The following DHCR24 variants were observed in gnomAD, a reference collection of about 807,000 sequenced individuals.
The protein encoded by DHCR24 is delta(24)-sterol reductase.
Under a neutral mutation model 61.2 loss-of-function variants are expected in DHCR24, and 28 were observed. The ratio of observed to expected loss-of-function variants is 0.46; its 90% CI spans 0.34 to 0.63. DHCR24 has a LOEUF of 0.63. Among genes scored for constraint, DHCR24 ranks in the 20% least tolerant of loss-of-function variants. The pLI is 0.01. For missense variants in DHCR24, 538 were observed against 679.1 expected, an observed-to-expected ratio of 0.79 and a Z score of 2.31; for synonymous variants, 261 against 275.9, an observed-to-expected ratio of 0.95 and a Z score of 0.54.
At chr1:54,854,263 A>G (rs1570179248) in intron 6 of DHCR24, 29 bp from the exon 7 acceptor site, 1 of 1,265,816 alleles carries the variant, frequency 7.9e-7, no homozygotes, top group Non-Finnish European at 1.1e-6. Context: ...GGTTGGAGAG[A>G]AAAAAACCAA....
In DHCR24 at chr1:54,854,168, T is replaced by A; in HGVS notation, c.1087A>T (p.Ile363Phe). 6.2e-7 allele frequency: 1 copy of A among 1,613,946 alleles called. No individual in the cohort carries two copies. Among genetic ancestry groups the A allele is most frequent in the Non-Finnish European group, 8.5e-7 (1 of 1,179,944 alleles). ...CCCTGGGTCAGCTTCAGGAGGGAGA[T>A]CTTGGGAGGCACCATCCAGCCAAAG... ...YLFGWMVPPKISLLKLTQGET... is the reference protein window; with the variant it reads ...YLFGWMVPPKFSLLKLTQGET... The change falls in exon 7 of 9, where the codon ATC becomes TTC. Residue 363 changes from isoleucine to phenylalanine, a missense_variant. Physicochemically the swap from Ile to Phe is conservative, Grantham distance 21. Transcript: ENST00000371269.
At chr1:54,856,705 T>G (rs1646909379) in intron 6 of DHCR24, among the ~76,000 whole-genome samples, 1 of 152,254 alleles carries the variant, frequency 6.6e-6, no homozygotes, top group African/African-American at 2.4e-5. Flanking sequence ...ATTTCCAGAT[T>G]ATTCCAACTA....
At chr1:54,866,154 A>T (rs1001005840) in intron 5 of DHCR24, among the ~76,000 whole-genome samples, 3 of 152,036 alleles carry the variant, frequency 2.0e-5, no homozygotes, top group African/African-American at 7.2e-5. Flanking sequence ...ATTCTGGCAG[A>T]TGCTCTCGGG....
intron 2 of DHCR24, among the ~76,000 whole-genome samples, chr1:54,882,288 T>A (rs1647067685): frequency 6.6e-6 from 1 of 152,104 alleles, no homozygotes; most frequent in South Asian, 2.1e-4. Context: ...TGAATTAAAA[T>A]TACAATGAAA....
intron 7 of DHCR24, 21 bp from the exon 8 acceptor site, chr1:54,853,633 G>A (rs373227170): frequency 6.2e-6 from 10 of 1,607,818 alleles, no homozygotes; most frequent in African/African-American, 1.3e-5. Flanking sequence ...CAGGGAGGTG[G>A]GTATTGGTGC....
chr1:54,884,909 G>C (rs1647084487), intron 1 of DHCR24, among the ~76,000 whole-genome samples: 1 of 152,172 alleles, frequency 6.6e-6, no homozygotes, highest in South Asian at 2.1e-4. Context: ...ACCTAGAAAA[G>C]CAGGGCCAAC....
At chr1:54,872,045 T>C (rs931228642) in intron 4 of DHCR24, among the ~76,000 whole-genome samples, 10 of 152,020 alleles carry the variant, frequency 6.6e-5, no homozygotes, top group South Asian at 2.1e-4. Context: ...TCTGAACCAT[T>C]ACTAAAATTT....
chr1:54,862,958 C>T (rs868097696), intron 6 of DHCR24, among the ~76,000 whole-genome samples: 14 of 151,680 alleles, frequency 9.2e-5, no homozygotes, highest in African/African-American at 3.4e-4. Context: ...CGCCTATAGT[C>T]CCAGCTACTT....
chr1:54,856,746 TTA>T (rs897879365), intron 6 of DHCR24, among the ~76,000 whole-genome samples: 10 of 152,252 alleles, frequency 6.6e-5, no homozygotes, highest in Non-Finnish European at 1.3e-4. Context: ...CTTTGCCCAT[TTA>T]TATATGTGTC....
chr1:54,851,813 A>G lies in DHCR24; in HGVS notation c.*420T>C. ...AGGTGACCTAATGTGGAGCCTTTTC[A>G]GGCTCCACTGCAGATGTGACGCTGA... On this transcript the variant is annotated 3_prime_UTR_variant, in exon 9 of 9. Coordinates refer to ENST00000371269, the MANE Select transcript of DHCR24 (RefSeq NM_014762.4). 4.6e-6 allele frequency: 1 copy of G among 216,240 alleles called. No individual in the cohort carries two copies. The highest frequency in any genetic ancestry group is 9.4e-6 in the Non-Finnish European group (1 of 106,950). 13.4% of individuals were successfully genotyped at this position (216,240 alleles called of 1,614,324 possible). A position where few individuals can be genotyped will look rare whatever the true frequency, so the allele number is the denominator to read the frequency against.
In DHCR24 at chr1:54,861,773, G is replaced by A. The variant is rs143383215; in HGVS notation, c.1020+3530C>T. Among the ~76,000 whole-genome samples the A allele has an allele frequency of 5.2e-3, 794 of 152,210 alleles. 5 individuals carry two copies. The highest frequency in any genetic ancestry group is 0.017 in the Middle Eastern group (5 of 294). ...GTAAATTCATGAGTGTGAATCCCTG[G>A]TAGGCCCAGTGCTGCCTGGCAATGC... On this transcript the variant is annotated intron_variant, in intron 6 of 8. Coordinates refer to ENST00000371269, the MANE Select transcript of DHCR24 (RefSeq NM_014762.4).
At chr1:54,854,005 C>T in intron 7 of DHCR24, 32 bp downstream of exon 7, 1 of 1,589,768 alleles carries the variant, frequency 6.3e-7, no homozygotes, top group Non-Finnish European at 8.6e-7. Flanking sequence ...GGGAATGCAC[C>T]TGGTGCGCCC....
chr1:54,871,486 C>T lies in DHCR24; in HGVS notation c.740G>A (p.Gly247Asp). Residue 247 changes from glycine (G) to aspartate (D), a missense_variant, in exon 5 of 9, where the codon GGC (glycine) becomes GAC (aspartate). Coordinates refer to ENST00000371269, the MANE Select transcript of DHCR24 (RefSeq NM_014762.4). ...GAACTTGGCACAGATAGCCTCCAGG[C>T]CCCGCACTGGCTCGAAACGCAGCTT... ...YVKLRFEPVR[G>D]LEAICAKFTH... The T allele has an allele frequency of 1.9e-6, 3 of 1,614,232 alleles. No homozygotes were observed. The highest frequency in any genetic ancestry group is 3.3e-5 in the Admixed American group (2 of 60,036).
chr1:54,885,057 G>A (rs1557441349), intron 1 of DHCR24, among the ~76,000 whole-genome samples: 1 of 152,208 alleles, frequency 6.6e-6, no homozygotes, highest in Non-Finnish European at 1.5e-5. Flanking sequence ...TTTGAATTGA[G>A]CTTCTTTCAC....
At chr1:54,881,579 G>C (rs1203057102) in intron 2 of DHCR24, among the ~76,000 whole-genome samples, 1 of 152,156 alleles carries the variant, frequency 6.6e-6, no homozygotes, top group Admixed American at 6.5e-5. Context: ...AGACAGTGTG[G>C]TGATTCCTTA....
At chr1:54,881,491 A>C (rs780076413) in intron 2 of DHCR24, among the ~76,000 whole-genome samples, 4 of 152,232 alleles carry the variant, frequency 2.6e-5, no homozygotes, top group Non-Finnish European at 5.9e-5. Flanking sequence ...AAAAAATAAC[A>C]GATGCTGGTG....
Position 54,883,879 on chromosome 1 carries a change from C to T in DHCR24, c.232-106G>A. 1.3e-6 allele frequency: 2 copies of T among 1,489,058 alleles called. No individual in the cohort carries two copies. Among genetic ancestry groups the T allele is most frequent in the Non-Finnish European group, 9.3e-7 (1 of 1,080,574 alleles). 92.2% of individuals were successfully genotyped at this position (1,489,058 alleles called of 1,614,324 possible). On this transcript the variant is annotated intron_variant, in intron 1 of 8. Coordinates refer to ENST00000371269, the MANE Select transcript of DHCR24 (RefSeq NM_014762.4). This position sits in a 1 kb window ranked among gnomAD's most constrained non-coding sequence, Gnocchi z 4.3. ...AGCTGGGAATGATGCCTCCATCAGG[C>T]ACTGGAGAAACAGAACAATGAAAAG...
At chr1:54,874,997 G>A in intron 4 of DHCR24, 96 bp downstream of exon 4, 2 of 1,045,786 alleles carry the variant, frequency 1.9e-6, no homozygotes, top group Non-Finnish European at 3.0e-6. Flanking sequence ...AACAGGTACT[G>A]GGAATGAAGC....
intron 2 of DHCR24, among the ~76,000 whole-genome samples, chr1:54,882,525 T>C (rs527941619): frequency 6.6e-5 from 10 of 152,360 alleles, no homozygotes; most frequent in Non-Finnish European, 1.5e-5. Flanking sequence ...CATGTGCCCA[T>C]ACAAAGACTG....
Sources: allele counts gnomAD v4.1 joint callset (sites outside exome capture counted in the v4.1 genomes callset), GRCh38; gene constraint gnomAD v4.1.1; non-coding constraint Gnocchi (gnomAD v3.1); transcripts MANE v1.5; gene names NCBI Gene and HGNC (gene_info 2026-07-23, HGNC 2026-07-21).